Variants in SLC4A10 observed in about 807,000 individuals in gnomAD.
SLC4A10 encodes the protein solute carrier family 4 member 10.
Under a neutral mutation model 137.7 loss-of-function variants are expected in SLC4A10, and 42 were observed. That is an observed-to-expected ratio of 0.30 (90% CI 0.24 to 0.39). The LOEUF (loss-of-function observed/expected upper bound fraction) is 0.39. Ranked by LOEUF, SLC4A10 falls within the 10% of genes least tolerant of loss-of-function variation. The pLI, the probability that SLC4A10 is intolerant of heterozygous loss-of-function variation, is 1.00. For synonymous variants in SLC4A10, 474 were observed against 464.1 expected (o/e 1.02, Z -0.27); for missense variants, 925 against 1,355.0 (o/e 0.68, Z 4.98).
chr2:161,713,942 G>T (rs1387025385), intron 1 of SLC4A10, among the ~76,000 whole-genome samples: 1 of 151,724 alleles, frequency 6.6e-6, no homozygotes, highest in African/African-American at 2.4e-5. Flanking sequence ...ATCAGATGCA[G>T]GAAGACGTCA....
chr2:161,942,352 A>G (rs927987502), intron 15 of SLC4A10, among the ~76,000 whole-genome samples: 1 of 152,134 alleles, frequency 6.6e-6, no homozygotes, highest in Non-Finnish European at 1.5e-5. Context: ...TCTTCTTCTC[A>G]CTGATATATC....
At chr2:161,910,197 A>C (rs190930818) in intron 15 of SLC4A10, among the ~76,000 whole-genome samples, 8 of 152,268 alleles carry the variant, frequency 5.3e-5, no homozygotes, top group Non-Finnish European at 1.2e-4. Flanking sequence ...ATAGTGTATC[A>C]ACCAAATAAC....
chr2:161,884,070 ATAACT>A (rs1260414056), intron 10 of SLC4A10, among the ~76,000 whole-genome samples: 2 of 152,184 alleles, frequency 1.3e-5, no homozygotes, highest in East Asian at 3.8e-4. Flanking sequence ...GATGAAAAAA[ATAACT>A]TAATGAGGGC....
rs1421399347 is a variant in SLC4A10, at chr2:161,933,197, TTC to T, written c.1998-9593_1998-9592del. On this transcript the variant is annotated intron_variant, in intron 15 of 26. Coordinates refer to ENST00000446997, the MANE Select transcript of SLC4A10 (RefSeq NM_001178015.2). ...CCCCTTCCTTCTTTTCTTTCTTTCTTTCTTTCTTTCTTTCTTTCTTTCTTTCT... is the reference window on the plus strand; with the variant it reads ...CCCCTTCCTTCTTTTCTTTCTTTCTTTTTCTTTCTTTCTTTCTTTCTTTCT... Among the ~76,000 whole-genome samples, 9 of 117,162 alleles carry T rather than the reference TTC, an allele frequency of 7.7e-5. No homozygotes were observed. The East Asian group carries it at 2.1e-3, about 27-fold the overall frequency. The allele number at this position is 117,162 out of a possible 152,430, so 76.9% of individuals were successfully genotyped here.
At chr2:161,863,599 T>C (rs1339811271) in intron 6 of SLC4A10, among the ~76,000 whole-genome samples, 2 of 152,216 alleles carry the variant, frequency 1.3e-5, no homozygotes, top group East Asian at 1.9e-4. Flanking sequence ...GTTCAAGGGC[T>C]CATTGCTGTT....
At chr2:161,739,630 C>T (rs2047679400) in intron 1 of SLC4A10, among the ~76,000 whole-genome samples, 1 of 152,206 alleles carries the variant, frequency 6.6e-6, no homozygotes, top group Admixed American at 6.5e-5. Context: ...CACCCCCATA[C>T]TTACCGGCAT....
chr2:161,897,021 A>G (rs1179229076), intron 11 of SLC4A10, among the ~76,000 whole-genome samples: 1 of 152,118 alleles, frequency 6.6e-6, no homozygotes, highest in South Asian at 2.1e-4. Flanking sequence ...TAATCATATT[A>G]TATAGAAAAC....
intron 1 of SLC4A10, among the ~76,000 whole-genome samples, chr2:161,760,378 A>G (rs1365583955): frequency 2.0e-5 from 3 of 152,102 alleles, no homozygotes; most frequent in African/African-American, 7.2e-5. Context: ...ATATACAAAT[A>G]CATATATACA....
intron 3 of SLC4A10, among the ~76,000 whole-genome samples, chr2:161,809,610 C>T (rs2056344770): frequency 6.6e-6 from 1 of 152,070 alleles, no homozygotes; most frequent in South Asian, 2.1e-4. Flanking sequence ...ACAGTTATCC[C>T]AGCACCATTT....
At position 161,882,417 on chromosome 2, in the gene SLC4A10, A is replaced by G; in HGVS notation, c.1167A>G (p.Arg389=). ...GTCAACAGTACCATGAGATTGGCAG[A>G]TCAATTGCAACCCTAATGACAGATG... The part of the protein sequence containing the change: ...GKGQQYHEIG[R]SIATLMTDEV... The change falls in exon 10 of 27, where the codon AGA becomes AGG. Residue 389 remains arginine, a synonymous_variant. Coordinates refer to ENST00000446997, the MANE Select transcript of SLC4A10 (RefSeq NM_001178015.2). 6 of 1,601,054 alleles carry G rather than the reference A, an allele frequency of 3.7e-6. No individual in the cohort carries two copies. Among genetic ancestry groups the G allele is most frequent in the Non-Finnish European group, 5.1e-6 (6 of 1,173,176 alleles).
chr2:161,768,205 C>T (rs112629894), intron 1 of SLC4A10, among the ~76,000 whole-genome samples: 53 of 152,030 alleles, frequency 3.5e-4, no homozygotes, highest in Admixed American at 3.9e-4. Context: ...AAATAGCCAC[C>T]AGATGTGTTC....
intron 1 of SLC4A10, among the ~76,000 whole-genome samples, chr2:161,705,122 T>C (rs182788296): frequency 4.7e-4 from 71 of 151,748 alleles, no homozygotes; most frequent in African/African-American, 1.7e-3. Flanking sequence ...GTGATTCTTA[T>C]AGTTTTTTTA....
rs374471189 is a variant in SLC4A10 at position 161,726,630 on chromosome 2, C to T, written c.49-44343C>T. ...GGTACCTTTGTAAGAGAGAATTCGC[C>T]GGGTGCGGTGGCTCACACCTGTAGT... On this transcript the variant is annotated intron_variant, in intron 1 of 26. Transcript: ENST00000446997. Among the ~76,000 whole-genome samples the T allele has an allele frequency of 2.0e-3, 297 of 152,258 alleles. 10 individuals are homozygous for T. Among genetic ancestry groups the T allele is most frequent in the Middle Eastern group, 0.01 (3 of 294 alleles).
intron 1 of SLC4A10, among the ~76,000 whole-genome samples, chr2:161,735,551 G>A (rs2047258223): frequency 6.6e-6 from 1 of 152,136 alleles, no homozygotes; most frequent in South Asian, 2.1e-4. Context: ...CCCCAGTCAT[G>A]CTGGGTCTTA....
At chr2:161,693,172 T>C (rs2042168520) in intron 1 of SLC4A10, among the ~76,000 whole-genome samples, 1 of 152,074 alleles carries the variant, frequency 6.6e-6, no homozygotes, top group Admixed American at 6.6e-5. Context: ...TTCTTTACGA[T>C]TTCAAAACTT....
chr2:161,886,293 T>C (rs190277083), intron 10 of SLC4A10, among the ~76,000 whole-genome samples: 92 of 152,274 alleles, frequency 6.0e-4, no homozygotes, highest in African/African-American at 2.1e-3. Context: ...ACATAGTAGC[T>C]ACTTGGAAGA....
chr2:161,711,469 A>G (rs1298774146), intron 1 of SLC4A10, among the ~76,000 whole-genome samples: 2 of 151,820 alleles, frequency 1.3e-5, no homozygotes, highest in Non-Finnish European at 2.9e-5. Context: ...AAAGCGGATC[A>G]GGACCAACTA....
At chr2:161,790,435 T>C in intron 2 of SLC4A10, among the ~76,000 whole-genome samples, 1 of 152,190 alleles carries the variant, frequency 6.6e-6, no homozygotes, top group East Asian at 1.9e-4. Context: ...TATTAGTTGA[T>C]TAATTTTTGT....
At position 161,754,384 on chromosome 2, in the gene SLC4A10, A is replaced by G. The variant is rs751281146; in HGVS notation, c.49-16589A>G. Among the ~76,000 whole-genome samples, 35 of 152,298 alleles carry G rather than the reference A, an allele frequency of 2.3e-4. 1 individual carries two copies. The Middle Eastern group carries it at 0.01, about 44-fold the overall frequency. On this transcript the variant is annotated intron_variant, in intron 1 of 26. Transcript: ENST00000446997. ...AAACAGCTCTGTGACAAAATTAGGA[A>G]CCATGAACAACAAAATTAATTTTTT...
Sources: gnomAD v4.1 joint callset for allele counts (sites outside exome capture counted in the v4.1 genomes callset) on GRCh38, gnomAD v4.1.1 for gene constraint, MANE v1.5 for transcripts, NCBI Gene and HGNC (gene_info 2026-07-23, HGNC 2026-07-21) for gene names.